Variants in PANK2 observed in about 807,000 individuals in gnomAD.
The protein encoded by PANK2 is pantothenate kinase 2.
In PANK2, 36 loss-of-function variants were observed where a neutral mutation model predicts 43.1. The ratio of observed to expected loss-of-function variants is 0.84; its 90% confidence interval spans 0.64 to 1.10. The LOEUF is 1.10. PANK2 is among the 50% of genes least tolerant of loss of function. The pLI is 0.00. For missense variants in PANK2, 576 were observed against 593.3 expected (o/e 0.97, Z 0.30); for synonymous variants, 281 against 238.2 (o/e 1.18, Z -1.66).
At chr20:3,917,660 C>G in intron 5 of PANK2, 1 of 223,670 alleles carries the variant, frequency 4.5e-6, no homozygotes, top group Non-Finnish European at 1.0e-5. Context: ...TTAAATTATT[C>G]TTTTATTTTT....
chr20:3,889,112 C>G, upstream of PANK2: 1 of 1,547,610 alleles, frequency 6.5e-7, no homozygotes, highest in Non-Finnish European at 8.7e-7. Flanking sequence ...TGAGGAGGCT[C>G]GGGCCCTTCC....
At chr20:3,904,916 T>G (rs2090361189) in intron 1 of PANK2, among the ~76,000 whole-genome samples, 1 of 152,224 alleles carries the variant, frequency 6.6e-6, no homozygotes, top group Non-Finnish European at 1.5e-5. Flanking sequence ...GGATTCAGTG[T>G]CTGTTTACCA....
At position 3,917,481 on chromosome 20, in the gene PANK2, C is replaced by T. The variant is rs1351020846; in HGVS notation, c.1206+431C>T. ...GCCCTCCTTGGCTCCCCCACCTCAGCAGAGCTGCGTCTTTGTGCTTTCAGC... is the reference window on the plus strand; with the variant it reads ...GCCCTCCTTGGCTCCCCCACCTCAGTAGAGCTGCGTCTTTGTGCTTTCAGC... On this transcript the variant is annotated intron_variant, in intron 5 of 6. Transcript: ENST00000610179. 3 of 534,788 alleles carry T rather than the reference C, an allele frequency of 5.6e-6. No homozygotes were observed. The East Asian group carries it at 1.6e-4, about 29-fold the overall frequency. 33.1% of individuals were successfully genotyped at this position (534,788 alleles called of 1,614,324 possible).
Position 3,925,000 on chromosome 20 carries a change from A to G in PANK2, c.*1706A>G, listed in dbSNP as rs66846872. 1,428 of 152,598 alleles carry G rather than the reference A, an allele frequency of 9.4e-3. 37 individuals are homozygous for G. The highest frequency in any genetic ancestry group is 0.065 in the East Asian group (339 of 5,194). 9.5% of individuals were successfully genotyped at this position (152,598 alleles called of 1,614,324 possible). On this transcript the variant is annotated 3_prime_UTR_variant, in exon 7 of 7. Transcript: ENST00000610179. ...CCATGCAGCCCTTGCTGTTCCCACA[A>G]TTTAACAGAAAAGGAAACTGAACGG...
Position 3,910,649 on chromosome 20 carries a change from G to A in PANK2, c.724G>A (p.Val242Ile), listed in dbSNP as rs750750261. 1.9e-6 allele frequency: 3 copies of A among 1,614,194 alleles called. No individual in the cohort carries two copies. Among genetic ancestry groups the A allele is most frequent in the Non-Finnish European group, 2.5e-6 (3 of 1,180,040 alleles). ...CAAAGGAATTTTATACATTGACTCA[G>A]TCGGATTCAATGGACGGTCACAGTG... Residue 242 changes from valine (V) to isoleucine (I), a missense_variant, in exon 3 of 7, where the codon GTC becomes ATC. By Grantham distance (29) the Val-to-Ile change is conservative. Transcript: ENST00000610179.
At chr20:3,896,423 A>G (rs1309874070) in intron 1 of PANK2, among the ~76,000 whole-genome samples, 1 of 151,872 alleles carries the variant, frequency 6.6e-6, no homozygotes, top group Non-Finnish European at 1.5e-5. Context: ...GTTGTGAAAT[A>G]TATATATTGG....
upstream of PANK2, chr20:3,889,213 C>T (rs1426406978): frequency 6.2e-7 from 1 of 1,612,808 alleles, no homozygotes. Flanking sequence ...CCCTCCTCCA[C>T]CACCCTCTCC....
rs770400883 is a variant in PANK2, at chr20:3,908,044, G to A, written c.417G>A (p.Arg139=). 1 of 1,614,118 alleles carries A rather than the reference G, an allele frequency of 6.2e-7. No individual in the cohort carries two copies. Among genetic ancestry groups the A allele is most frequent in the Non-Finnish European group, 8.5e-7 (1 of 1,180,030 alleles). Residue 139 remains arginine (R), a synonymous_variant, in exon 2 of 7, where the codon CGG becomes CGA. Transcript: ENST00000610179. ...AAGTGGAAAGTCTTAAAAGCATTCG[G>A]AAGTACCTGACCTCCAATGTGGCTT...
intron 1 of PANK2, among the ~76,000 whole-genome samples, chr20:3,905,221 C>T (rs867232011): frequency 1.3e-5 from 2 of 152,168 alleles, no homozygotes; most frequent in African/African-American, 2.4e-5. Flanking sequence ...CCTGAACCTA[C>T]GGCTTGGATA....
intron 1 of PANK2, 158 bp downstream of exon 1, chr20:3,889,886 C>A: frequency 6.5e-7 from 1 of 1,532,496 alleles, no homozygotes; most frequent in Non-Finnish European, 8.7e-7. Flanking sequence ...CTGGAGGCCT[C>A]GGGTGCTCCG....
Position 3,917,111 on chromosome 20 carries a change from A to T in PANK2, c.1206+61A>T. Reference sequence around the variant, plus strand: ...AAAATACTGAACTTAAGTGGGCCCCATCACGTCTGTTTTCTCAGAACAGTG... The same window carrying T: ...AAAATACTGAACTTAAGTGGGCCCCTTCACGTCTGTTTTCTCAGAACAGTG... On this transcript the variant is annotated intron_variant, in intron 5 of 6. Transcript: ENST00000610179. The T allele has an allele frequency of 1.9e-6, 3 of 1,602,840 alleles. No individual in the cohort carries two copies. In the South Asian group the frequency reaches 3.3e-5, roughly 18 times the overall value.
chr20:3,889,779 C>T, intron 1 of PANK2, 51 bp downstream of exon 1: 1 of 1,559,832 alleles, frequency 6.4e-7, no homozygotes, highest in Non-Finnish European at 8.6e-7. Context: ...CCCCTTCCGG[C>T]CCACCCTGTC....
chr20:3,916,884 T>C (rs2090568634), intron 4 of PANK2, 43 bp from the exon 5 acceptor site: 1 of 1,612,236 alleles, frequency 6.2e-7, no homozygotes, highest in Admixed American at 1.7e-5. Flanking sequence ...TTGGGCTTTG[T>C]TGCTGTTGGT....
chr20:3,908,112 A>G lies in PANK2; in HGVS notation c.485A>G (p.Asp162Gly). The change falls in exon 2 of 7, where the codon GAC becomes GGC. Residue 162 changes from aspartate (D) to glycine (G), a missense_variant. Coordinates refer to ENST00000610179, the MANE Select transcript of PANK2 (RefSeq NM_001386393.1). Reference sequence around the variant, plus strand: ...CGGGACGTGCACCTCGAGCTGAAGGACCTGACTCTGTGTGGACGCAAAGGC... The same window carrying G: ...CGGGACGTGCACCTCGAGCTGAAGGGCCTGACTCTGTGTGGACGCAAAGGC... 6.2e-7 allele frequency: 1 copy of G among 1,614,140 alleles called. No individual in the cohort carries two copies. The highest frequency in any genetic ancestry group is 1.3e-5 in the African/African-American group (1 of 75,020).
At chr20:3,918,606 G>T (rs1212609394) in intron 5 of PANK2, 65 bp from the exon 6 acceptor site, 6 of 1,603,384 alleles carry the variant, frequency 3.7e-6, no homozygotes, top group Non-Finnish European at 3.4e-6. Flanking sequence ...GCTGTATTTG[G>T]GGTAGCTTTT....
Position 3,928,187 on chromosome 20 carries a change from A to G in PANK2, c.*4893A>G, listed in dbSNP as rs1455086474. 2 of 152,326 alleles carry G rather than the reference A, an allele frequency of 1.3e-5. No individual in the cohort carries two copies. Among genetic ancestry groups the G allele is most frequent in the African/African-American group, 2.4e-5 (1 of 41,580 alleles). 9.4% of individuals were successfully genotyped at this position (152,326 alleles called of 1,614,324 possible). A position where few individuals can be genotyped will look rare whatever the true frequency, so the allele number is the denominator to read the frequency against. On this transcript the variant is annotated 3_prime_UTR_variant, in exon 7 of 7. Transcript: ENST00000610179. ...AGAAATCTGTAACAGCTACAGGAAAAGACACACCCAGGGCCAGAGATTCTA... is the reference window on the plus strand; with the variant it reads ...AGAAATCTGTAACAGCTACAGGAAAGGACACACCCAGGGCCAGAGATTCTA...
rs563745008 is a variant in PANK2, at chr20:3,903,272, C to T, written c.299-4654C>T. Among the ~76,000 whole-genome samples, 159 of 151,638 alleles carry T rather than the reference C, an allele frequency of 1.0e-3. 2 individuals carry two copies. Among genetic ancestry groups the T allele is most frequent in the Non-Finnish European group, 1.2e-3 (82 of 67,936 alleles). On this transcript the variant is annotated intron_variant, in intron 1 of 6. Coordinates refer to ENST00000610179, the MANE Select transcript of PANK2 (RefSeq NM_001386393.1). ...AAGTGATTCTCCTGCTTCAGCCTCCCGAGTAGCTGGGATTACAGGCATGCA... is the reference window on the plus strand; with the variant it reads ...AAGTGATTCTCCTGCTTCAGCCTCCTGAGTAGCTGGGATTACAGGCATGCA...
At chr20:3,905,350 C>CT (rs34914526) in intron 1 of PANK2, among the ~76,000 whole-genome samples, 12,969 of 134,368 alleles carry the variant, frequency 0.097, 952 homozygotes, top group East Asian at 0.14. Flanking sequence ...GCTGCTATCT[C>CT]TTTTTTTTTT....
chr20:3,907,093 C>T lies in PANK2; in HGVS notation c.299-833C>T, dbSNP rs1282020016. 2.2e-5 allele frequency among the ~76,000 whole-genome samples: 3 copies of T among 138,580 alleles called. No homozygotes were observed. The East Asian group carries it at 6.4e-4, about 30-fold the overall frequency. The allele number at this position is 138,580 out of a possible 152,430, so 90.9% of individuals were successfully genotyped here. On this transcript the variant is annotated intron_variant, in intron 1 of 6. Coordinates refer to ENST00000610179, the MANE Select transcript of PANK2 (RefSeq NM_001386393.1). ...TACAGGCGTGAGCCACCGTGCCCAG[C>T]CCTGCCTTTTTTTTTTTTTTTTTTT...
Sources: gnomAD v4.1 joint callset for allele counts (sites outside exome capture counted in the v4.1 genomes callset) on GRCh38, gnomAD v4.1.1 for gene constraint, MANE v1.5 for transcripts, NCBI Gene and HGNC (gene_info 2026-07-23, HGNC 2026-07-21) for gene names.